ACADL: variants seen among roughly 807,000 people sequenced by gnomAD.
ACADL encodes long-chain specific acyl-CoA dehydrogenase, mitochondrial.
In ACADL, 60 loss-of-function variants were observed where a neutral mutation model predicts 56.9. The observed-to-expected ratio is 1.05, with a 90% CI of 0.86 to 1.31. The LOEUF is 1.31. Among genes scored for constraint, ACADL ranks in the 50% most tolerant of loss-of-function variants. The pLI is 0.00. For missense variants in ACADL, 484 were observed against 525.5 expected (o/e 0.92, Z 0.77); for synonymous variants, 158 against 179.7 (o/e 0.88, Z 0.97).
chr2:210,210,944 TA>T (rs977909156), intron 4 of ACADL, among the ~76,000 whole-genome samples: 10 of 146,602 alleles, frequency 6.8e-5, no homozygotes, highest in African/African-American at 1.5e-4. Context: ...AGAATTTGTC[TA>T]AAAAAAAAAG....
chr2:210,213,865 TTATTA>T (rs1382698984), intron 4 of ACADL, among the ~76,000 whole-genome samples: 1 of 152,134 alleles, frequency 6.6e-6, no homozygotes, highest in African/African-American at 2.4e-5. Flanking sequence ...TCCATATATC[TTATTA>T]TAATAGCCAT....
chr2:210,193,440 TA>T (rs1168892726), intron 9 of ACADL, among the ~76,000 whole-genome samples: 2 of 152,138 alleles, frequency 1.3e-5, no homozygotes, highest in Admixed American at 6.6e-5. Flanking sequence ...TGCTATCATA[TA>T]GGAAACATTA....
chr2:210,208,751 G>A (rs949522327), intron 5 of ACADL, among the ~76,000 whole-genome samples: 3 of 152,036 alleles, frequency 2.0e-5, no homozygotes, highest in Non-Finnish European at 4.4e-5. Context: ...TTCACTTAAT[G>A]TATAATTATT....
intron 5 of ACADL, among the ~76,000 whole-genome samples, chr2:210,208,606 A>G (rs1200228440): frequency 6.6e-6 from 1 of 152,194 alleles, no homozygotes; most frequent in Admixed American, 6.6e-5. Flanking sequence ...TAGAGAATGT[A>G]AAGTTCAAAA....
At chr2:210,221,604 T>G (rs1443208272) in intron 1 of ACADL, among the ~76,000 whole-genome samples, 1 of 152,242 alleles carries the variant, frequency 6.6e-6, no homozygotes, top group Non-Finnish European at 1.5e-5. Context: ...TATTTCTTCC[T>G]TAGTTGGACT....
In ACADL at chr2:210,203,184, C is replaced by A. The variant is rs1271380848; in HGVS notation, c.984+147G>T. ...CCTAAGACCACTCCTGTCTTACTCT[C>A]TACTATCTCTCCTTAGTGATCTCAT... On this transcript the variant is annotated intron_variant, in intron 8 of 10. Transcript: ENST00000233710. 9 of 679,368 alleles carry A rather than the reference C, an allele frequency of 1.3e-5. No homozygotes were observed. The Middle Eastern group carries it at 1.9e-3, about 141-fold the overall frequency. The allele number at this position is 679,368 out of a possible 1,614,324, so 42.1% of individuals were successfully genotyped here. A position where few individuals can be genotyped will look rare whatever the true frequency, so the allele number is the denominator to read the frequency against.
chr2:210,210,999 G>A (rs908189988), intron 4 of ACADL, among the ~76,000 whole-genome samples: 1 of 151,848 alleles, frequency 6.6e-6, no homozygotes, highest in East Asian at 1.9e-4. Context: ...CCTGCTCTAA[G>A]TGTAGAATAG....
At chr2:210,217,827 CTT>C in intron 3 of ACADL, 136 bp downstream of exon 3, 1 of 1,205,590 alleles carries the variant, frequency 8.3e-7, no homozygotes, top group Non-Finnish European at 1.2e-6. Flanking sequence ...GCGGTATAAT[CTT>C]TTACATTTTA....
Position 210,190,046 on chromosome 2 carries a change from A to G in ACADL, c.1200-992T>C, listed in dbSNP as rs1040709835. Among the ~76,000 whole-genome samples the G allele has an allele frequency of 2.4e-4, 36 of 151,814 alleles. No individual in the cohort carries two copies. In the South Asian group the frequency reaches 5.8e-3, roughly 24 times the overall value. ...AAAGGCTTTTCTTTTTTTTTTCTCA[A>G]GTATAATCTTGGTGTTTTGTTTTGT... On this transcript the variant is annotated intron_variant, in intron 10 of 10. Coordinates refer to ENST00000233710, the MANE Select transcript of ACADL (RefSeq NM_001608.4).
At chr2:210,204,529 CT>C in intron 7 of ACADL, 51 bp downstream of exon 7, 1 of 1,306,204 alleles carries the variant, frequency 7.7e-7, no homozygotes, top group African/African-American at 1.5e-5. Flanking sequence ...CTATATTATT[CT>C]ATTCCAATTC....
rs1688573100 is a variant in ACADL at position 210,187,933 on chromosome 2, TAATG to T, written c.*1024_*1027del. 1 of 152,244 alleles carries T rather than the reference TAATG, an allele frequency of 6.6e-6. No individual in the cohort carries two copies. 9.4% of individuals were successfully genotyped at this position (152,244 alleles called of 1,614,324 possible). On this transcript the variant is annotated 3_prime_UTR_variant, in exon 11 of 11. Coordinates refer to ENST00000233710, the MANE Select transcript of ACADL (RefSeq NM_001608.4). ...TTTCCATGTTAAAGCTACTTTAAAT[TAATG>T]GTTTATTTTTTGTAATTACTTTTAA...
chr2:210,190,917 TTGTTTG>T (rs1288899016), intron 10 of ACADL, among the ~76,000 whole-genome samples: 142 of 63,164 alleles, frequency 2.2e-3, no homozygotes, highest in Admixed American at 4.8e-3. Flanking sequence ...GTTGTTGTTG[TTGTTTG>T]TTTTTTTTTT....
intron 4 of ACADL, 68 bp downstream of exon 4, chr2:210,216,279 A>T: frequency 6.4e-7 from 1 of 1,555,742 alleles, no homozygotes; most frequent in Non-Finnish European, 8.8e-7. Flanking sequence ...TCTATGTATT[A>T]ACCAAGTACT....
chr2:210,207,552 T>C (rs1363425381), intron 5 of ACADL, among the ~76,000 whole-genome samples: 1 of 152,152 alleles, frequency 6.6e-6, no homozygotes, highest in African/African-American at 2.4e-5. Context: ...CTGGGTGGTT[T>C]AGACATCAGA....
chr2:210,225,398 G>C lies in ACADL; in HGVS notation c.-135C>G. The C allele has an allele frequency of 9.9e-7, 1 of 1,005,608 alleles. No homozygotes were observed. 62.3% of individuals were successfully genotyped at this position (1,005,608 alleles called of 1,614,324 possible). ...TGTCCTCCCAAAAAAGCGCTCGCGC[G>C]CGCCCTTCCGGAGCCCCAACCACGC... On this transcript the variant is annotated 5_prime_UTR_variant, in exon 1 of 11. Transcript: ENST00000233710.
At chr2:210,221,419 C>G (rs772938402) in intron 1 of ACADL, among the ~76,000 whole-genome samples, 1 of 152,132 alleles carries the variant, frequency 6.6e-6, no homozygotes, top group Non-Finnish European at 1.5e-5. Context: ...AGTTTTGTAG[C>G]TCCTTTAGTT....
intron 10 of ACADL, among the ~76,000 whole-genome samples, chr2:210,190,951 C>CTCT (rs1559631838): frequency 2.1e-5 from 3 of 143,284 alleles, no homozygotes; most frequent in African/African-American, 7.6e-5. Context: ...CAGTCTCACT[C>CTCT]TGTCGCCCAG....
chr2:210,206,536 A>G lies in ACADL; in HGVS notation c.604-740T>C, dbSNP rs751808196. ...GATTTATCAGTTTTTGAAAAGGACT[A>G]TTTTTGATTTTTGTAATTGATATCC... On this transcript the variant is annotated intron_variant, in intron 5 of 10. Coordinates refer to ENST00000233710, the MANE Select transcript of ACADL (RefSeq NM_001608.4). 2.0e-5 allele frequency among the ~76,000 whole-genome samples: 3 copies of G among 152,282 alleles called. No homozygotes were observed. The East Asian group carries it at 5.8e-4, about 29-fold the overall frequency.
chr2:210,206,426 G>C (rs1688889126), intron 5 of ACADL, among the ~76,000 whole-genome samples: 1 of 151,944 alleles, frequency 6.6e-6, no homozygotes, highest in African/African-American at 2.4e-5. Context: ...GTGAGACCCT[G>C]TCTCTAGAAA....
Sources: gnomAD v4.1 joint callset for allele counts (sites outside exome capture counted in the v4.1 genomes callset) on GRCh38, gnomAD v4.1.1 for gene constraint, MANE v1.5 for transcripts, NCBI Gene and HGNC (gene_info 2026-07-23, HGNC 2026-07-21) for gene names.